OPRK1: variants seen among roughly 807,000 people sequenced by gnomAD.
OPRK1 encodes kappa-type opioid receptor.
OPRK1 carries 15 observed loss-of-function variants against 24.5 expected under a neutral mutation model. The observed-to-expected ratio is 0.61, with a 90% CI of 0.41 to 0.94. OPRK1 has a LOEUF of 0.94. OPRK1 is among the 40% of genes least tolerant of loss of function. OPRK1 has a pLI of 0.00. For missense variants in OPRK1, 479 were observed against 507.3 expected, an observed-to-expected ratio of 0.94 and a Z score of 0.54; for synonymous variants, 205 against 198.0, an observed-to-expected ratio of 1.04 and a Z score of -0.30.
At chr8:53,237,051 A>G (rs1807012751) in intron 2 of OPRK1, among the ~76,000 whole-genome samples, 1 of 152,206 alleles carries the variant, frequency 6.6e-6, no homozygotes, top group Admixed American at 6.5e-5. Flanking sequence ...TATTTATCTC[A>G]TAGAGTTCCA....
chr8:53,239,860 A>G (rs1807075968), intron 2 of OPRK1, among the ~76,000 whole-genome samples: 1 of 152,136 alleles, frequency 6.6e-6, no homozygotes, highest in Admixed American at 6.6e-5. Flanking sequence ...GTTTGAGAAA[A>G]CGTCTTAGAA....
At chr8:53,247,332 G>A (rs1807255417) in intron 2 of OPRK1, among the ~76,000 whole-genome samples, 1 of 152,198 alleles carries the variant, frequency 6.6e-6, no homozygotes, top group African/African-American at 2.4e-5. Context: ...CTGGCCCCGT[G>A]AGTTACCCAG....
intron 2 of OPRK1, among the ~76,000 whole-genome samples, chr8:53,249,217 G>A (rs371676632): frequency 1.3e-5 from 2 of 151,988 alleles, no homozygotes; most frequent in African/African-American, 4.8e-5. Context: ...ATATGATATG[G>A]GTAGAAACAG....
chr8:53,235,144 A>G (rs1417962653), intron 2 of OPRK1, 33 bp from the exon 3 acceptor site: 6 of 1,573,586 alleles, frequency 3.8e-6, no homozygotes, highest in East Asian at 4.5e-5. Flanking sequence ...ATTTCCCTCC[A>G]TTTTCAAGTC....
Position 53,225,942 on chromosome 8 carries a change from G to A in OPRK1, c.*3355C>T, listed in dbSNP as rs917550984. The A allele has an allele frequency of 6.6e-6, 1 of 152,330 alleles. No homozygotes were observed. Among genetic ancestry groups the A allele is most frequent in the African/African-American group, 2.4e-5 (1 of 41,544 alleles). 9.4% of individuals were successfully genotyped at this position (152,330 alleles called of 1,614,324 possible). A position where few individuals can be genotyped will look rare whatever the true frequency, so the allele number is the denominator to read the frequency against. On this transcript the variant is annotated 3_prime_UTR_variant, in exon 4 of 4. Transcript: ENST00000265572. ...GTATTTATACTGAATCATCCGAACAGCTCTTGGTTAGAAAATAAATCTCAT... is the reference window on the plus strand; with the variant it reads ...GTATTTATACTGAATCATCCGAACAACTCTTGGTTAGAAAATAAATCTCAT...
Position 53,234,949 on chromosome 8 carries a change from G to A in OPRK1, c.420C>T (p.Tyr140=). The A allele has an allele frequency of 6.2e-7, 1 of 1,614,186 alleles. No individual in the cohort carries two copies. Among genetic ancestry groups the A allele is most frequent in the Non-Finnish European group, 8.5e-7 (1 of 1,180,040 alleles). ...AGGTGAAGATGCTGGTGAACATGTT[G>A]TAGTAATCAATGGAAATTACTATCT... The part of the protein sequence containing the change: ...LCKIVISIDY[Y]NMFTSIFTLT... The change falls in exon 3 of 4, where the codon TAC becomes TAT. Residue 140 remains tyrosine (Y), a synonymous_variant. Transcript: ENST00000265572.
chr8:53,245,718 C>A (rs1469499450), intron 2 of OPRK1, among the ~76,000 whole-genome samples: 1 of 152,116 alleles, frequency 6.6e-6, no homozygotes, highest in African/African-American at 2.4e-5. Flanking sequence ...TGATGAGTCA[C>A]CTTGGCCAGG....
Position 53,227,876 on chromosome 8 carries a change from T to A in OPRK1, c.*1421A>T, listed in dbSNP as rs1200120558. The A allele has an allele frequency of 6.6e-6, 1 of 152,194 alleles. No individual in the cohort carries two copies. The highest frequency in any genetic ancestry group is 1.9e-4 in the East Asian group (1 of 5,198). The allele number at this position is 152,194 out of a possible 1,614,324, so 9.4% of individuals were successfully genotyped here. ...TAAATTCCAGAGGATGCAGCCCTAG[T>A]AATATATAGGCTTGGAGTGTTATTT... On this transcript the variant is annotated 3_prime_UTR_variant, in exon 4 of 4. Transcript: ENST00000265572.
intron 2 of OPRK1, among the ~76,000 whole-genome samples, chr8:53,248,763 G>T (rs769175263): frequency 6.6e-6 from 1 of 152,178 alleles, no homozygotes; most frequent in Non-Finnish European, 1.5e-5. Flanking sequence ...ATGTGCTCTA[G>T]CCATAAGTGA....
At chr8:53,241,075 C>T (rs1045019919) in intron 2 of OPRK1, among the ~76,000 whole-genome samples, 1 of 152,114 alleles carries the variant, frequency 6.6e-6, no homozygotes, top group African/African-American at 2.4e-5. Context: ...ATCAGTCCCA[C>T]AAATGTCCCA....
rs956218823 is a variant in OPRK1, at chr8:53,226,519, A to T, written c.*2778T>A. The T allele has an allele frequency of 1.7e-5, 2 of 116,160 alleles. No individual in the cohort carries two copies. Among genetic ancestry groups the T allele is most frequent in the Non-Finnish European group, 3.4e-5 (2 of 58,774 alleles). The allele number at this position is 116,160 out of a possible 1,614,324, so 7.2% of individuals were successfully genotyped here. A position where few individuals can be genotyped will look rare whatever the true frequency, so the allele number is the denominator to read the frequency against. ...CTAGTCTCAAAGAGACACAACAGAC[A>T]GTGTCCTCCTTGTTGAGGTCAGAGA... On this transcript the variant is annotated 3_prime_UTR_variant, in exon 4 of 4. Transcript: ENST00000265572.
intron 2 of OPRK1, among the ~76,000 whole-genome samples, chr8:53,237,048 C>G (rs1202749956): frequency 6.6e-6 from 1 of 152,114 alleles, no homozygotes; most frequent in African/African-American, 2.4e-5. Flanking sequence ...TAATATTTAT[C>G]TCATAGAGTT....
intron 1 of OPRK1, 145 bp downstream of exon 1, chr8:53,251,303 C>T (rs2128811098): frequency 1.9e-6 from 1 of 523,816 alleles, no homozygotes; most frequent in Non-Finnish European, 3.3e-6. Context: ...TCCCCCAGCC[C>T]CTGAGGTGCC....
intron 2 of OPRK1, among the ~76,000 whole-genome samples, chr8:53,244,940 T>C (rs551512249): frequency 5.3e-5 from 8 of 152,274 alleles, no homozygotes; most frequent in African/African-American, 1.9e-4. Context: ...GATGCTCCAG[T>C]CCCTGATATA....
chr8:53,233,709 C>CAGTA (rs1183488064), intron 3 of OPRK1, among the ~76,000 whole-genome samples: 1 of 152,190 alleles, frequency 6.6e-6, no homozygotes, highest in Non-Finnish European at 1.5e-5. Context: ...ACTCCTAGAA[C>CAGTA]AGTACCTCTC....
At chr8:53,235,339 T>G (rs1806965690) in intron 2 of OPRK1, among the ~76,000 whole-genome samples, 1 of 152,210 alleles carries the variant, frequency 6.6e-6, no homozygotes. Context: ...AAAATTTCAA[T>G]ATAGAAGATA....
In OPRK1 at chr8:53,233,535, C is replaced by T. The variant is rs150268002; in HGVS notation, c.610+1224G>A. ...ATATACACTCAGTTATCTGCTCTCA[C>T]AGGTATTATGAACCCCCTAGTAAAC... On this transcript the variant is annotated intron_variant, in intron 3 of 3. Transcript: ENST00000265572. 5.6e-4 allele frequency among the ~76,000 whole-genome samples: 86 copies of T among 152,306 alleles called. 1 individual carries two copies. The highest frequency in any genetic ancestry group is 1.9e-3 in the African/African-American group (81 of 41,548).
rs908236938 is a variant in OPRK1, at chr8:53,251,015, A to C, written c.23T>G (p.Phe8Cys). MDSPIQIFRGEPGPTCAP... is the reference protein window; with the variant it reads MDSPIQICRGEPGPTCAP... Reference sequence around the variant, plus strand: ...GCAGGTAGGGCCCGGCTCCCCGCGGAAGATCTGGATCGGGGAGTCCATGGT... The same window carrying C: ...GCAGGTAGGGCCCGGCTCCCCGCGGCAGATCTGGATCGGGGAGTCCATGGT... The change falls in exon 2 of 4, where the codon TTC (phenylalanine) becomes TGC (cysteine). Residue 8 changes from phenylalanine (F) to cysteine (C), a missense_variant. By Grantham distance (205) the Phe-to-Cys change is radical. Transcript: ENST00000265572. The C allele has an allele frequency of 1.3e-6, 2 of 1,569,074 alleles. No individual in the cohort carries two copies. The highest frequency in any genetic ancestry group is 1.7e-6 in the Non-Finnish European group (2 of 1,161,052).
At chr8:53,236,957 A>G (rs1031126827) in intron 2 of OPRK1, among the ~76,000 whole-genome samples, 7 of 151,992 alleles carry the variant, frequency 4.6e-5, no homozygotes, top group African/African-American at 7.3e-5. Flanking sequence ...TCTAGTCCTT[A>G]TTTTTCAAAC....
Sources: gnomAD v4.1 joint callset for allele counts (sites outside exome capture counted in the v4.1 genomes callset) on GRCh38, gnomAD v4.1.1 for gene constraint, MANE v1.5 for transcripts, NCBI Gene and HGNC (gene_info 2026-07-23, HGNC 2026-07-21) for gene names.